The following NLGN1 variants were observed in gnomAD, a reference collection of about 807,000 sequenced individuals.
The protein encoded by NLGN1 is neuroligin-1.
A neutral mutation model predicts 65.5 loss-of-function variants in NLGN1; 12 were observed. The observed-to-expected ratio is 0.18, with a 90% CI of 0.12 to 0.30. The LOEUF (loss-of-function observed/expected upper bound fraction) is 0.30, where lower values mean the gene tolerates loss of function less well. Ranked by LOEUF, NLGN1 falls within the 10% of genes least tolerant of loss-of-function variation. The pLI, the probability that NLGN1 is intolerant of heterozygous loss-of-function variation, is 1.00. For synonymous variants in NLGN1, 350 were observed against 359.5 expected, an observed-to-expected ratio of 0.97 and a Z score of 0.30; for missense variants, 750 against 1,007.1, an observed-to-expected ratio of 0.74 and a Z score of 3.46.
chr3:174,116,865 A>T (rs1456585979), intron 4 of NLGN1, among the ~76,000 whole-genome samples: 1 of 152,114 alleles, frequency 6.6e-6, no homozygotes, highest in Non-Finnish European at 1.5e-5. Context: ...CTATCTTCTC[A>T]TTTCTTAGAA....
chr3:173,729,083 T>A lies in NLGN1; in HGVS notation c.494-78597T>A, dbSNP rs116724432. Among the ~76,000 whole-genome samples, 764 of 152,174 alleles carry A rather than the reference T, an allele frequency of 5.0e-3. 7 individuals are homozygous for A. Among genetic ancestry groups the A allele is most frequent in the African/African-American group, 0.017 (726 of 41,548 alleles). ...AGATGATTGTCATATACTTTTAAAA[T>A]GAAAACACTAAGACTTTGAGGGGTT... On this transcript the variant is annotated intron_variant, in intron 3 of 6. Transcript: ENST00000457714.
chr3:173,862,522 A>G (rs1162823642), intron 4 of NLGN1, among the ~76,000 whole-genome samples: 1 of 149,876 alleles, frequency 6.7e-6, no homozygotes, highest in Non-Finnish European at 1.5e-5. Context: ...AAAAAAAAAA[A>G]AAAAAAAAGA....
intron 4 of NLGN1, among the ~76,000 whole-genome samples, chr3:174,013,545 T>C (rs1311413757): frequency 1.3e-5 from 2 of 152,348 alleles, no homozygotes; most frequent in East Asian, 3.9e-4. Context: ...AGATTAGCTA[T>C]TGCTTAAAAT....
At chr3:173,813,445 A>C (rs1239509255) in intron 4 of NLGN1, among the ~76,000 whole-genome samples, 1 of 152,232 alleles carries the variant, frequency 6.6e-6, no homozygotes, top group Non-Finnish European at 1.5e-5. Flanking sequence ...AAAAAGAGTC[A>C]GTGTGTCTAT....
intron 1 of NLGN1, among the ~76,000 whole-genome samples, chr3:173,429,920 C>CA (rs1303481581): frequency 6.6e-6 from 1 of 152,200 alleles, no homozygotes; most frequent in African/African-American, 2.4e-5. Context: ...TCTCCTTTGA[C>CA]AGAGATGAAG....
chr3:174,169,358 G>A (rs1577194003), intron 4 of NLGN1, among the ~76,000 whole-genome samples: 2 of 152,058 alleles, frequency 1.3e-5, no homozygotes, highest in East Asian at 3.9e-4. Context: ...TCGCAACCCA[G>A]GCTGGTCAAC....
At chr3:173,807,657 A>G in intron 3 of NLGN1, 23 bp from the exon 4 acceptor site, 12 of 1,610,076 alleles carry the variant, frequency 7.5e-6, no homozygotes, top group Non-Finnish European at 1.0e-5. Context: ...GATAAGAACG[A>G]TTGCCAACCA....
At chr3:174,194,198 C>G (rs1261875087) in intron 4 of NLGN1, among the ~76,000 whole-genome samples, 1 of 152,058 alleles carries the variant, frequency 6.6e-6, no homozygotes, top group Non-Finnish European at 1.5e-5. Context: ...GTGGCTCACA[C>G]CTGTAATCCC....
At chr3:174,217,440 C>T (rs1322600078) in intron 4 of NLGN1, among the ~76,000 whole-genome samples, 2 of 152,086 alleles carry the variant, frequency 1.3e-5, no homozygotes, top group Non-Finnish European at 2.9e-5. Context: ...TCTCACAGTT[C>T]TAGAGACTGA....
At chr3:173,624,998 G>A (rs569630957) in intron 3 of NLGN1, among the ~76,000 whole-genome samples, 1 of 152,216 alleles carries the variant, frequency 6.6e-6, no homozygotes, top group South Asian at 2.1e-4. Context: ...TCAGACAGAT[G>A]TGGAGAATGA....
At chr3:173,907,114 C>T (rs1383114997) in intron 4 of NLGN1, among the ~76,000 whole-genome samples, 1 of 152,076 alleles carries the variant, frequency 6.6e-6, no homozygotes, top group African/African-American at 2.4e-5. Flanking sequence ...GAAATATCCA[C>T]ATCTTATTGT....
At chr3:174,129,541 G>C (rs1468875133) in intron 4 of NLGN1, among the ~76,000 whole-genome samples, 1 of 152,118 alleles carries the variant, frequency 6.6e-6, no homozygotes, top group Non-Finnish European at 1.5e-5. Context: ...GTCAAAGTAC[G>C]TACGACATTT....
intron 4 of NLGN1, among the ~76,000 whole-genome samples, chr3:173,822,914 A>G (rs1297622853): frequency 6.6e-6 from 1 of 151,882 alleles, no homozygotes; most frequent in Non-Finnish European, 1.5e-5. Flanking sequence ...TGCTTCTGTT[A>G]CAGTCTTTAT....
intron 3 of NLGN1, among the ~76,000 whole-genome samples, chr3:173,660,774 T>C (rs9870677): frequency 0.41 from 62,836 of 151,728 alleles, 13,931 homozygotes; most frequent in African/African-American, 0.59. Flanking sequence ...TGTTCTCCAC[T>C]GTCAAGTCCT....
intron 4 of NLGN1, among the ~76,000 whole-genome samples, chr3:174,229,891 G>C (rs563784441): frequency 6.6e-6 from 1 of 152,256 alleles, no homozygotes; most frequent in Non-Finnish European, 1.5e-5. Context: ...TGTGTGAATA[G>C]AATACACTTG....
intron 4 of NLGN1, among the ~76,000 whole-genome samples, chr3:174,266,066 T>C (rs1011688967): frequency 6.6e-6 from 1 of 150,430 alleles, no homozygotes; most frequent in East Asian, 1.9e-4. Context: ...TCTTTCCAAC[T>C]TTTATTTTAG....
At chr3:174,283,709 A>T (rs1483562558) in exon 7 of NLGN1, 1 of 151,162 alleles carries the variant, frequency 6.6e-6, no homozygotes, top group South Asian at 2.1e-4. Context: ...CTCCATAATT[A>T]AAAAAAAGTC....
intron 2 of NLGN1, among the ~76,000 whole-genome samples, chr3:173,465,891 A>G (rs1452390908): frequency 1.3e-5 from 2 of 152,140 alleles, no homozygotes; most frequent in African/African-American, 4.8e-5. Flanking sequence ...AGAGGAGGAA[A>G]ATATTTGGCT....
intron 4 of NLGN1, among the ~76,000 whole-genome samples, chr3:174,039,610 A>G (rs1731860861): frequency 6.6e-6 from 1 of 152,162 alleles, no homozygotes; most frequent in Non-Finnish European, 1.5e-5. Flanking sequence ...GCACCAGGTA[A>G]GGGAGATAAG....
Sources: allele counts gnomAD v4.1 joint callset (sites outside exome capture counted in the v4.1 genomes callset), GRCh38; gene constraint gnomAD v4.1.1; transcripts MANE v1.5; gene names NCBI Gene and HGNC (gene_info 2026-07-23, HGNC 2026-07-21).